Variants in EXOC3 observed in about 807,000 individuals in gnomAD.
EXOC3 encodes the protein SEC6-like 1.
Under a neutral mutation model 73.7 loss-of-function variants are expected in EXOC3, and 21 were observed. The observed-to-expected ratio is 0.29, with a 90% CI of 0.20 to 0.41. EXOC3 has a LOEUF of 0.41. EXOC3 is among the 10% of genes least tolerant of loss of function. The probability of loss-of-function intolerance (pLI) is 1.00; values close to 1 mark genes in which losing one functional copy is unlikely to be tolerated. For synonymous variants in EXOC3, 410 were observed against 389.1 expected (o/e 1.05, Z -0.63); for missense variants, 842 against 985.1 (o/e 0.85, Z 1.95).
Position 458,953 on chromosome 5 carries a change from G to A in EXOC3, c.1291-406G>A, listed in dbSNP as rs572199537. ...TCTGCCTGGGTCAGCTCCTGGCAGG[G>A]CCTGGCACACCCCAGGTCCAGATTC... On this transcript the variant is annotated intron_variant, in intron 6 of 12. Coordinates refer to ENST00000512944, the MANE Select transcript of EXOC3 (RefSeq NM_007277.5). Among the ~76,000 whole-genome samples, 117 of 152,336 alleles carry A rather than the reference G, an allele frequency of 7.7e-4. 2 individuals are homozygous for A. In the Middle Eastern group the frequency reaches 0.017, roughly 22 times the overall value.
intron 1 of EXOC3, among the ~76,000 whole-genome samples, chr5:444,694 C>A: frequency 6.6e-6 from 1 of 152,104 alleles, no homozygotes; most frequent in East Asian, 1.9e-4. Flanking sequence ...CCCTGAGTGT[C>A]GGGATTTAAG....
At chr5:451,189 C>A (rs1461073985) in intron 3 of EXOC3, among the ~76,000 whole-genome samples, 1 of 152,074 alleles carries the variant, frequency 6.6e-6, no homozygotes, top group Non-Finnish European at 1.5e-5. Context: ...TCCCTTGTTT[C>A]TTTTGCGTAT....
At chr5:444,490 T>C (rs558653601) in intron 1 of EXOC3, among the ~76,000 whole-genome samples, 79 of 152,326 alleles carry the variant, frequency 5.2e-4, no homozygotes, top group African/African-American at 1.8e-3. Flanking sequence ...GTCCACTTCT[T>C]GGGTTATTAT....
intron 2 of EXOC3, chr5:446,897 A>T (rs1324079372): frequency 6.4e-6 from 1 of 156,586 alleles, no homozygotes; most frequent in East Asian, 1.9e-4. Context: ...CAACACCCTG[A>T]AAGTGTCTAT....
At position 467,046 on chromosome 5, in the gene EXOC3, G is replaced by A. The variant is rs1320733515; in HGVS notation, c.*148G>A. 14 of 828,740 alleles carry A rather than the reference G, an allele frequency of 1.7e-5. No individual in the cohort carries two copies. The highest frequency in any genetic ancestry group is 1.1e-4 in the East Asian group (4 of 37,314). 51.3% of individuals were successfully genotyped at this position (828,740 alleles called of 1,614,324 possible). On this transcript the variant is annotated 3_prime_UTR_variant, in exon 13 of 13. Coordinates refer to ENST00000512944, the MANE Select transcript of EXOC3 (RefSeq NM_007277.5). ...TGCCAGTGTGATGCACCGGGTGTGC[G>A]TCGAGTGAGCGTCCCGAGGCCACGT...
rs1413838290 is a variant in EXOC3 at position 454,043 on chromosome 5, C to T, written c.1038C>T (p.Thr346=). 7 of 1,602,770 alleles carry T rather than the reference C, an allele frequency of 4.4e-6. No homozygotes were observed. Among genetic ancestry groups the T allele is most frequent in the African/African-American group, 2.7e-5 (2 of 74,658 alleles). ...GCCTCTTGACGTGGGTCTTAAACACCTACACAAGGTAAAGCTAACCTGGCG... is the reference window on the plus strand; with the variant it reads ...GCCTCTTGACGTGGGTCTTAAACACTTACACAAGGTAAAGCTAACCTGGCG... ...IVSLLTWVLN[T]YTSTEMMRNV... Residue 346 remains threonine, a synonymous_variant, in exon 4 of 13, where the codon ACC becomes ACT. Coordinates refer to ENST00000512944, the MANE Select transcript of EXOC3 (RefSeq NM_007277.5).
In EXOC3 at chr5:453,750, T is replaced by C. The variant is rs749837710; in HGVS notation, c.745T>C (p.Phe249Leu). 2 of 1,613,954 alleles carry C rather than the reference T, an allele frequency of 1.2e-6. No homozygotes were observed. Among genetic ancestry groups the C allele is most frequent in the East Asian group, 4.5e-5 (2 of 44,888 alleles). The change falls in exon 4 of 13, where the codon TTC (phenylalanine) becomes CTC (leucine). Residue 249 changes from phenylalanine to leucine, a missense_variant. Phe to Leu is a conservative substitution (Grantham distance 22, BLOSUM62 0). Transcript: ENST00000512944. ...GRPKNWKEKM[F>L]TILERTVTTR... ...GCCCAAGAATTGGAAGGAGAAAATG[T>C]TCACCATCTTGGAGAGGACTGTGAC...
chr5:457,092 GA>G, intron 5 of EXOC3, 86 bp downstream of exon 5: 1 of 919,374 alleles, frequency 1.1e-6, no homozygotes. Flanking sequence ...AGGCAGGGGG[GA>G]AATGCCTTAG....
At chr5:453,347 T>C (rs1285137876) in intron 3 of EXOC3, 23 bp from the exon 4 acceptor site, 2 of 1,538,686 alleles carry the variant, frequency 1.3e-6, no homozygotes, top group Admixed American at 2.0e-5. Context: ...TTGTTTATGT[T>C]GTGTCTTGTG....
intron 1 of EXOC3, among the ~76,000 whole-genome samples, chr5:444,269 C>G (rs1482838822): frequency 1.3e-5 from 2 of 152,244 alleles, no homozygotes; most frequent in Non-Finnish European, 2.9e-5. Context: ...CTTTAGTCTT[C>G]AGGCTGGGAT....
At chr5:457,167 G>A (rs1283935845) in intron 5 of EXOC3, 161 bp downstream of exon 5, 2 of 616,826 alleles carry the variant, frequency 3.2e-6, no homozygotes, top group East Asian at 2.8e-5. Context: ...TGACAGGTCA[G>A]TTTGCTAGAA....
At chr5:445,942 G>A (rs1737493533) in intron 1 of EXOC3, among the ~76,000 whole-genome samples, 1 of 152,146 alleles carries the variant, frequency 6.6e-6, no homozygotes, top group South Asian at 2.1e-4. Context: ...AAACGCCCCT[G>A]CTCTCCCCTT....
At chr5:455,159 C>T (rs1367821589) in intron 4 of EXOC3, among the ~76,000 whole-genome samples, 7 of 152,188 alleles carry the variant, frequency 4.6e-5, no homozygotes, top group African/African-American at 9.6e-5. Flanking sequence ...TCTCCCCCTC[C>T]GTGCCTGGTG....
chr5:445,634 G>A (rs1017902338), intron 1 of EXOC3, among the ~76,000 whole-genome samples: 7 of 152,216 alleles, frequency 4.6e-5, no homozygotes, highest in East Asian at 1.9e-4. Flanking sequence ...GATTACAGGC[G>A]TGAGCCACCG....
intron 3 of EXOC3, among the ~76,000 whole-genome samples, chr5:449,799 A>G (rs992408164): frequency 9.9e-5 from 15 of 152,222 alleles, no homozygotes; most frequent in South Asian, 2.1e-4. Context: ...TGGTATATAC[A>G]CACAAGTGTA....
Position 457,990 on chromosome 5 carries a change from T to C in EXOC3, c.1255T>C (p.Tyr419His). ...AGAGCCAGAAGCCGACCAGGACGGG[T>C]ACTACCAGACCACACTCCCTGCCAT... Reference protein sequence around the residue: ...ETEPEADQDGYYQTTLPAIVF... With the variant: ...ETEPEADQDGHYQTTLPAIVF... Residue 419 changes from tyrosine (Y) to histidine (H), a missense_variant, in exon 6 of 13, where the codon TAC becomes CAC. By Grantham distance (83) the Tyr-to-His change is moderately conservative. Coordinates refer to ENST00000512944, the MANE Select transcript of EXOC3 (RefSeq NM_007277.5). The C allele has an allele frequency of 1.2e-6, 2 of 1,612,598 alleles. No homozygotes were observed.
intron 7 of EXOC3, among the ~76,000 whole-genome samples, chr5:460,134 C>G (rs778159061): frequency 2.0e-5 from 3 of 152,200 alleles, no homozygotes; most frequent in African/African-American, 7.2e-5. Flanking sequence ...ACGGTGACTC[C>G]GTGGGGTCAT....
At chr5:444,297 G>T (rs1006810532) in intron 1 of EXOC3, among the ~76,000 whole-genome samples, 1 of 152,204 alleles carries the variant, frequency 6.6e-6, no homozygotes, top group Non-Finnish European at 1.5e-5. Context: ...TCTGCGGTGC[G>T]TTTTTTAACT....
intron 3 of EXOC3, 109 bp downstream of exon 3, chr5:447,861 C>T (rs965569296): frequency 8.1e-6 from 6 of 739,102 alleles, no homozygotes; most frequent in Non-Finnish European, 1.1e-5. Flanking sequence ...GACCTGTAGA[C>T]GGTAAGTGTG....
Sources: allele counts gnomAD v4.1 joint callset (sites outside exome capture counted in the v4.1 genomes callset), GRCh38; gene constraint gnomAD v4.1.1; transcripts MANE v1.5; gene names NCBI Gene and HGNC (gene_info 2026-07-23, HGNC 2026-07-21).